RORA: variants seen among roughly 807,000 people sequenced by gnomAD.
RORA encodes the protein RAR related orphan receptor A.
Under a neutral mutation model 69.5 loss-of-function variants are expected in RORA, and 7 were observed. The observed-to-expected ratio is 0.10, with a 90% confidence interval of 0.06 to 0.19. The LOEUF (loss-of-function observed/expected upper bound fraction) is 0.19. Among genes scored for constraint, RORA ranks in the 10% least tolerant of loss-of-function variants. The pLI is 1.00. For missense variants in RORA, 457 were observed against 663.0 expected, an observed-to-expected ratio of 0.69 and a Z score of 3.41; for synonymous variants, 261 against 240.8, an observed-to-expected ratio of 1.08 and a Z score of -0.78.
rs1174318997 is a variant in RORA at position 60,792,647 on chromosome 15, A to C, written c.167-113961T>G. On this transcript the variant is annotated intron_variant, in intron 1 of 10. Coordinates refer to ENST00000335670, the MANE Select transcript of RORA (RefSeq NM_134261.3). ...CAGAAGACAACGGAATAACATCTTT[A>C]AGGTACAGACTGAAAAACATTGTCA... 1.1e-4 allele frequency among the ~76,000 whole-genome samples: 17 copies of C among 152,258 alleles called. 1 individual carries two copies. Among genetic ancestry groups the C allele is most frequent in the Admixed American group, 1.1e-3 (17 of 15,288 alleles).
At chr15:61,105,959 C>T (rs1478807698) in intron 1 of RORA, among the ~76,000 whole-genome samples, 1 of 152,166 alleles carries the variant, frequency 6.6e-6, no homozygotes, top group African/African-American at 2.4e-5. Context: ...AAATTAGTTG[C>T]CAGGAAAACA....
chr15:60,679,740 G>GA (rs762322963), intron 1 of RORA, among the ~76,000 whole-genome samples: 2 of 152,114 alleles, frequency 1.3e-5, no homozygotes, highest in East Asian at 3.8e-4. Flanking sequence ...AATCTGTTGT[G>GA]AAAATCCACG....
chr15:61,170,507 C>A (rs1020603667), intron 1 of RORA, among the ~76,000 whole-genome samples: 1 of 152,220 alleles, frequency 6.6e-6, no homozygotes, highest in South Asian at 2.1e-4. Context: ...CATCTCCCAA[C>A]TCAAGGTCCT....
intron 1 of RORA, among the ~76,000 whole-genome samples, chr15:60,945,706 C>CT (rs762242309): frequency 1.1e-4 from 17 of 152,116 alleles, no homozygotes; most frequent in Non-Finnish European, 2.2e-4. Flanking sequence ...TCAAGGGGCA[C>CT]TTTTTTGGCA....
chr15:60,913,189 C>T (rs1891778371), intron 1 of RORA, among the ~76,000 whole-genome samples: 1 of 152,150 alleles, frequency 6.6e-6, no homozygotes, highest in South Asian at 2.1e-4. Context: ...TGCTGGGATT[C>T]AGGAGTGAGC....
At chr15:61,203,751 T>A (rs1044919912) in intron 1 of RORA, among the ~76,000 whole-genome samples, 1 of 152,116 alleles carries the variant, frequency 6.6e-6, no homozygotes, top group African/African-American at 2.4e-5. Context: ...CTTAAACATA[T>A]CATAGTGACC....
intron 1 of RORA, among the ~76,000 whole-genome samples, chr15:60,985,261 T>A (rs961880842): frequency 6.6e-6 from 1 of 152,192 alleles, no homozygotes; most frequent in Non-Finnish European, 1.5e-5. Flanking sequence ...GGTTTTGAAG[T>A]TCTTTAAAGA....
At chr15:60,652,395 G>A (rs528643070) in intron 2 of RORA, among the ~76,000 whole-genome samples, 20 of 152,272 alleles carry the variant, frequency 1.3e-4, no homozygotes, top group Non-Finnish European at 2.4e-4. Flanking sequence ...AGATTGGCTC[G>A]AAAATAGAAT....
chr15:61,110,730 C>T (rs1461173061), intron 1 of RORA, among the ~76,000 whole-genome samples: 2 of 152,204 alleles, frequency 1.3e-5, no homozygotes, highest in Non-Finnish European at 2.9e-5. Context: ...CTAGAACTCT[C>T]TTCCACTACT....
intron 1 of RORA, among the ~76,000 whole-genome samples, chr15:60,922,043 C>T (rs1406496840): frequency 6.6e-6 from 1 of 152,136 alleles, no homozygotes; most frequent in Non-Finnish European, 1.5e-5. Context: ...TCTCCCCAAC[C>T]GTTAAAAAAT....
intron 1 of RORA, among the ~76,000 whole-genome samples, chr15:60,990,725 C>G (rs923557404): frequency 1.3e-5 from 2 of 152,160 alleles, no homozygotes; most frequent in African/African-American, 4.8e-5. Flanking sequence ...CCCAAACACC[C>G]ACACCTACAG....
chr15:60,732,124 C>T (rs780075905), intron 1 of RORA, among the ~76,000 whole-genome samples: 3 of 152,124 alleles, frequency 2.0e-5, no homozygotes, highest in African/African-American at 7.2e-5. Context: ...TTAAAAAAGA[C>T]GTTGCCTTAA....
intron 1 of RORA, among the ~76,000 whole-genome samples, chr15:60,926,094 A>G (rs958398003): frequency 2.0e-5 from 3 of 152,174 alleles, no homozygotes; most frequent in African/African-American, 4.8e-5. Context: ...GGGGCCAGAA[A>G]AGATTGCATC....
chr15:61,122,097 T>C (rs908699613), intron 1 of RORA, among the ~76,000 whole-genome samples: 2 of 152,356 alleles, frequency 1.3e-5, no homozygotes, highest in African/African-American at 4.8e-5. Flanking sequence ...CTCTGCTCTT[T>C]GCAGGAGAGT....
At chr15:60,541,321 TTTCAAAAAA>T (rs1293479440) in intron 2 of RORA, among the ~76,000 whole-genome samples, 1 of 152,200 alleles carries the variant, frequency 6.6e-6, no homozygotes, top group Non-Finnish European at 1.5e-5. Flanking sequence ...CTCAATGGTA[TTTCAAAAAA>T]TTCTCTTTTG....
intron 1 of RORA, among the ~76,000 whole-genome samples, chr15:60,784,048 G>A (rs1017209850): frequency 6.6e-6 from 1 of 152,198 alleles, no homozygotes; most frequent in Admixed American, 6.5e-5. Context: ...GTATGGGCAG[G>A]CCCATGCTTT....
chr15:60,640,396 C>T (rs1211777693), intron 2 of RORA, among the ~76,000 whole-genome samples: 1 of 152,126 alleles, frequency 6.6e-6, no homozygotes, highest in African/African-American at 2.4e-5. Context: ...AACTGGTTTT[C>T]CTCCTTCTGT....
chr15:61,207,610 T>C (rs1295774411), intron 1 of RORA, among the ~76,000 whole-genome samples: 1 of 152,230 alleles, frequency 6.6e-6, no homozygotes, highest in Non-Finnish European at 1.5e-5. Flanking sequence ...ATCTACCTTT[T>C]CATCACAATT....
In RORA at chr15:60,909,568, A is replaced by G. The variant is rs188646073; in HGVS notation, c.167-230882T>C. Among the ~76,000 whole-genome samples the G allele has an allele frequency of 1.5e-3, 229 of 152,336 alleles. 4 individuals are homozygous for G. The highest frequency in any genetic ancestry group is 5.3e-4 in the Non-Finnish European group (36 of 68,030). On this transcript the variant is annotated intron_variant, in intron 1 of 10. Coordinates refer to ENST00000335670, the MANE Select transcript of RORA (RefSeq NM_134261.3). ...AAAAAACCATAGAAAATAGAGTCAC[A>G]AGTTATTTATAAAGGGGAGATTTGT...
Sources: gnomAD v4.1 joint callset for allele counts (sites outside exome capture counted in the v4.1 genomes callset) on GRCh38, gnomAD v4.1.1 for gene constraint, MANE v1.5 for transcripts, NCBI Gene and HGNC (gene_info 2026-07-23, HGNC 2026-07-21) for gene names.